Variants in ACAD10 observed in about 807,000 individuals in gnomAD.
ACAD10 encodes ACAD-10.
In ACAD10, 112 loss-of-function variants were observed where a neutral mutation model predicts 116.8. The ratio of observed to expected loss-of-function variants is 0.96; its 90% CI spans 0.82 to 1.12. The LOEUF (loss-of-function observed/expected upper bound fraction) is 1.12. Ranked by LOEUF, ACAD10 falls within the 50% of genes most tolerant of loss-of-function variation. ACAD10 has a pLI of 0.00. For missense variants in ACAD10, 1,259 were observed against 1,350.2 expected, an observed-to-expected ratio of 0.93 and a Z score of 1.06; for synonymous variants, 486 against 510.6, an observed-to-expected ratio of 0.95 and a Z score of 0.65.
rs1318907523 is a variant in ACAD10, at chr12:111,728,114, C to G, written c.1214C>G (p.Ala405Gly). The G allele has an allele frequency of 6.2e-7, 1 of 1,610,250 alleles. No homozygotes were observed. Among genetic ancestry groups the G allele is most frequent in the Non-Finnish European group, 8.5e-7 (1 of 1,178,398 alleles). Residue 405 changes from alanine to glycine, a missense_variant, in exon 9 of 21, where the codon GCT becomes GGT. Ala to Gly is a moderately conservative substitution (Grantham distance 60). Coordinates refer to ENST00000313698, the MANE Select transcript of ACAD10 (RefSeq NM_025247.6). ...LCKIHSVDLQ[A>G]VGLEDYGKQG... ...AAAATTCACAGTGTGGATCTGCAGG[C>G]TGTGGGACTTGAAGACTATGGGAAG...
intron 18 of ACAD10, among the ~76,000 whole-genome samples, chr12:111,751,410 C>T (rs2135993833): frequency 6.6e-6 from 1 of 152,280 alleles, no homozygotes; most frequent in African/African-American, 2.4e-5. Context: ...TGAAACTAGC[C>T]TGGGCAATAC....
At chr12:111,690,070 A>G (rs962217541) in intron 1 of ACAD10, among the ~76,000 whole-genome samples, 1 of 152,194 alleles carries the variant, frequency 6.6e-6, no homozygotes, top group Non-Finnish European at 1.5e-5. Context: ...GGAACTCACA[A>G]ATACAGAGGG....
At chr12:111,702,792 G>A (rs188567201) in intron 3 of ACAD10, among the ~76,000 whole-genome samples, 3 of 151,852 alleles carry the variant, frequency 2.0e-5, no homozygotes, top group Admixed American at 6.6e-5. Context: ...ATTCATATAT[G>A]AATAACTAAA....
intron 13 of ACAD10, 102 bp from the exon 14 acceptor site, chr12:111,746,042 G>C: frequency 6.8e-7 from 1 of 1,474,090 alleles, no homozygotes. Context: ...TGCATGTTTG[G>C]TTGTCTGCCT....
chr12:111,733,641 G>A (rs76261196), intron 10 of ACAD10: 19 of 450,596 alleles, frequency 4.2e-5, no homozygotes, highest in African/African-American at 1.6e-4. Flanking sequence ...AGTAATTCCC[G>A]GAACCCAGAG....
intron 12 of ACAD10, among the ~76,000 whole-genome samples, chr12:111,742,701 AAAAT>A (rs1482637814): frequency 2.0e-5 from 3 of 152,246 alleles, no homozygotes; most frequent in South Asian, 2.1e-4. Flanking sequence ...CTCTTATTTA[AAAAT>A]AAATAAAATA....
intron 4 of ACAD10, among the ~76,000 whole-genome samples, chr12:111,707,975 G>A (rs908357591): frequency 6.6e-6 from 1 of 152,234 alleles, no homozygotes; most frequent in African/African-American, 2.4e-5. Flanking sequence ...GATACCCCAA[G>A]ACGCAGTGAG....
intron 10 of ACAD10, chr12:111,733,657 A>G (rs2135978529): frequency 4.0e-6 from 2 of 499,296 alleles, no homozygotes; most frequent in East Asian, 6.8e-5. Flanking sequence ...CAGAGAGGCT[A>G]GCTCTCTGGG....
chr12:111,753,779 C>A lies in ACAD10; in HGVS notation c.2825C>A (p.Ser942Tyr). 6.2e-7 allele frequency: 1 copy of A among 1,613,976 alleles called. No homozygotes were observed. Among genetic ancestry groups the A allele is most frequent in the Non-Finnish European group, 8.5e-7 (1 of 1,180,032 alleles). Residue 942 changes from serine to tyrosine, a missense_variant, in exon 19 of 21, where the codon TCC becomes TAC. Transcript: ENST00000313698. ...CATCTCCTGTGTCGACAGGTGAAGTCCCGCTTGGCTTTTGGGAAGCCCCTG... is the reference window on the plus strand; with the variant it reads ...CATCTCCTGTGTCGACAGGTGAAGTACCGCTTGGCTTTTGGGAAGCCCCTG... ...ALALMKARVK[S>Y]RLAFGKPLVE... is the part of the protein sequence containing the mutation.
chr12:111,703,094 A>G, intron 3 of ACAD10, among the ~76,000 whole-genome samples: 1 of 149,556 alleles, frequency 6.7e-6, no homozygotes, highest in East Asian at 3.2e-4. Context: ...AAAAAAAAAA[A>G]AAAAAAAATT....
chr12:111,695,962 T>C (rs1888178873), intron 2 of ACAD10, among the ~76,000 whole-genome samples: 1 of 150,156 alleles, frequency 6.7e-6, no homozygotes, highest in Non-Finnish European at 1.5e-5. Context: ...TGCAGTGAGC[T>C]GAGATCATAC....
intron 7 of ACAD10, among the ~76,000 whole-genome samples, chr12:111,718,016 G>A (rs1005965471): frequency 7.5e-6 from 1 of 133,506 alleles, no homozygotes; most frequent in Non-Finnish European, 1.6e-5. Context: ...TTTAATATAC[G>A]TAGGATCTAT....
chr12:111,693,001 G>C, intron 2 of ACAD10, 105 bp downstream of exon 2: 2 of 1,315,932 alleles, frequency 1.5e-6, no homozygotes, highest in South Asian at 2.7e-5. Flanking sequence ...GTGTGTCCCA[G>C]CAGGCCATGC....
chr12:111,719,814 G>A (rs537233476), intron 7 of ACAD10, among the ~76,000 whole-genome samples: 50 of 152,070 alleles, frequency 3.3e-4, no homozygotes, highest in African/African-American at 1.2e-3. Context: ...TGCAAGCTCC[G>A]CCTCCCAGGT....
chr12:111,713,119 T>G (rs1888739114), intron 6 of ACAD10, among the ~76,000 whole-genome samples: 1 of 151,778 alleles, frequency 6.6e-6, no homozygotes, highest in African/African-American at 2.4e-5. Context: ...GAGACCAGCC[T>G]GGCTAACTTG....
chr12:111,723,471 A>AC lies in ACAD10; in HGVS notation c.1061+1739dup, dbSNP rs1187173709. ...GGGCAGCTGGCCGGGCGGGGGGCTG[A>AC]CCCCCCCGCCTCCCTCCCGGACGGG... On this transcript the variant is annotated intron_variant, in intron 8 of 20. Transcript: ENST00000313698. Among the ~76,000 whole-genome samples the AC allele has an allele frequency of 1.1e-3, 122 of 108,692 alleles. 1 individual carries two copies. The highest frequency in any genetic ancestry group is 1.7e-3 in the Non-Finnish European group (89 of 53,178). 71.3% of individuals were successfully genotyped at this position (108,692 alleles called of 152,430 possible).
chr12:111,755,466 A>G (rs1890184050), intron 19 of ACAD10, among the ~76,000 whole-genome samples: 1 of 151,740 alleles, frequency 6.6e-6, no homozygotes, highest in Non-Finnish European at 1.5e-5. Context: ...CAGTGTTGCA[A>G]TCTCAGCTTA....
At chr12:111,722,001 C>T (rs1456326763) in intron 8 of ACAD10, 1 of 292,502 alleles carries the variant, frequency 3.4e-6, no homozygotes, top group Admixed American at 5.0e-5. Flanking sequence ...TGTTGCTTGT[C>T]TTTATTTATT....
rs773144119 is a variant in ACAD10 at position 111,702,211 on chromosome 12, G to A, written c.237G>A (p.Leu79=). The A allele has an allele frequency of 6.2e-7, 1 of 1,614,162 alleles. No individual in the cohort carries two copies. Among genetic ancestry groups the A allele is most frequent in the Non-Finnish European group, 8.5e-7 (1 of 1,180,022 alleles). ...CTTCTGGAACTATATTAAAGGCCTT[G>A]ATGGAAGGTGGTGAAAATGGGCCCT... ...RIPSGTILKA[L]MEGGENGPWM... Residue 79 remains leucine, a synonymous_variant, in exon 3 of 21, where the codon TTG becomes TTA. Coordinates refer to ENST00000313698, the MANE Select transcript of ACAD10 (RefSeq NM_025247.6).
Sources: gnomAD v4.1 joint callset for allele counts (sites outside exome capture counted in the v4.1 genomes callset) on GRCh38, gnomAD v4.1.1 for gene constraint, MANE v1.5 for transcripts, NCBI Gene and HGNC (gene_info 2026-07-23, HGNC 2026-07-21) for gene names.